PDZD7: variants seen among roughly 807,000 people sequenced by gnomAD.
PDZD7 encodes PDZ domain containing 7.
Under a neutral mutation model 84.7 loss-of-function variants are expected in PDZD7, and 72 were observed. That is an observed-to-expected ratio of 0.85 (90% CI 0.70 to 1.03). The LOEUF is 1.03. PDZD7 is among the 50% of genes least tolerant of loss of function. The probability of loss-of-function intolerance (pLI) is 0.00; values close to 1 mark genes in which losing one functional copy is unlikely to be tolerated. For synonymous variants in PDZD7, 594 were observed against 580.7 expected, an observed-to-expected ratio of 1.02 and a Z score of -0.33; for missense variants, 1,490 against 1,412.9, an observed-to-expected ratio of 1.05 and a Z score of -0.87.
At chr10:101,023,803 C>T (rs1409767262) in intron 3 of PDZD7, 125 bp downstream of exon 3, 1 of 1,534,246 alleles carries the variant, frequency 6.5e-7, no homozygotes, top group Non-Finnish European at 9.0e-7. Context: ...GCCCTGTCTC[C>T]CCATCAATCA....
At position 101,008,845 on chromosome 10, in the gene PDZD7, G is replaced by A; in HGVS notation, c.2724C>T (p.Gly908=). 6.7e-7 allele frequency: 1 copy of A among 1,495,158 alleles called. No homozygotes were observed. Among genetic ancestry groups the A allele is most frequent in the Non-Finnish European group, 8.9e-7 (1 of 1,122,434 alleles). 92.6% of individuals were successfully genotyped at this position (1,495,158 alleles called of 1,614,324 possible). The change falls in exon 17 of 17, where the codon GGC becomes GGT. Residue 908 remains glycine, a synonymous_variant. Coordinates refer to ENST00000619208, the MANE Select transcript of PDZD7 (RefSeq NM_001195263.2). The stretch of plus-strand genomic sequence containing the variant: ...CTCCGTCCACTGCCACAAGCTCGAA[G>A]CCAGCCTAGGGTGGGGTGAGAGAGT... The part of the protein sequence containing the change: ...AAFLSGALQA[G]FELVAVDGEN...
chr10:101,012,862 C>T (rs998905008), intron 11 of PDZD7, among the ~76,000 whole-genome samples: 1 of 152,242 alleles, frequency 6.6e-6, no homozygotes, highest in African/African-American at 2.4e-5. Flanking sequence ...GGGGAAGGGC[C>T]TCTCCAATCA....
intron 9 of PDZD7, 62 bp from the exon 10 acceptor site, chr10:101,016,489 G>A: frequency 6.6e-7 from 1 of 1,505,720 alleles, no homozygotes; most frequent in Non-Finnish European, 9.0e-7. Flanking sequence ...TGGGGTTCAG[G>A]AGGGCTCAGG....
rs764821315 is a variant in PDZD7 at position 101,030,205 on chromosome 10, G to A, written c.15C>T (p.Phe5=). 3.5e-5 allele frequency: 56 copies of A among 1,609,318 alleles called. No homozygotes were observed. The highest frequency in any genetic ancestry group is 4.0e-5 in the Non-Finnish European group (47 of 1,178,720). ...GGCCCAGTGGGTCGAAGCCCACTGCGAAACCCTGCGCCATGGCGGCTGGGC... is the reference window on the plus strand; with the variant it reads ...GGCCCAGTGGGTCGAAGCCCACTGCAAAACCCTGCGCCATGGCGGCTGGGC... MAQG[F]AVGFDPLGLG... Residue 5 remains phenylalanine (F), a synonymous_variant, in exon 2 of 17, where the codon TTC becomes TTT. Transcript: ENST00000619208.
At position 101,010,760 on chromosome 10, in the gene PDZD7, G is replaced by A; in HGVS notation, c.2129C>T (p.Pro710Leu). The A allele has an allele frequency of 8.5e-6, 13 of 1,534,998 alleles. No homozygotes were observed. The highest frequency in any genetic ancestry group is 1.1e-5 in the Non-Finnish European group (13 of 1,146,564). ...TTGTAGAGGGGGGATCCCTTTATGGGGGTGGCGAGGGGCAGAGGCACTTGG... is the reference window on the plus strand; with the variant it reads ...TTGTAGAGGGGGGATCCCTTTATGGAGGTGGCGAGGGGCAGAGGCACTTGG... The part of the protein sequence containing the change: ...VSPSASAPRH[P>L]HKGIPPLQDV... The change falls in exon 15 of 17, where the codon CCC (proline) becomes CTC (leucine). Residue 710 changes from proline to leucine, a missense_variant. Transcript: ENST00000619208.
At position 101,009,237 on chromosome 10, in the gene PDZD7, A is replaced by G; in HGVS notation, c.2718+13T>C. Reference sequence around the variant, plus strand: ...GTGCTCTGAGAGGGTGGGCCAGGGCATGCTTCACCCACCTGCAGGGCCCCA... The same window carrying G: ...GTGCTCTGAGAGGGTGGGCCAGGGCGTGCTTCACCCACCTGCAGGGCCCCA... On this transcript the variant is annotated intron_variant, in intron 16 of 16. Transcript: ENST00000619208. The G allele has an allele frequency of 6.5e-7, 1 of 1,529,892 alleles. No homozygotes were observed. Among genetic ancestry groups the G allele is most frequent in the Non-Finnish European group, 8.8e-7 (1 of 1,141,356 alleles). The allele number at this position is 1,529,892 out of a possible 1,614,324, so 94.8% of individuals were successfully genotyped here.
In PDZD7 at chr10:101,018,981, TG is replaced by T; in HGVS notation, c.1164del (p.Thr389GlnfsTer50). 1 of 1,587,908 alleles carries T rather than the reference TG, an allele frequency of 6.3e-7. No homozygotes were observed. Among genetic ancestry groups the T allele is most frequent in the East Asian group, 2.3e-5 (1 of 43,766 alleles). ...GRVETWCSVR[P>X]TVILRDTAIR... ...ATGGCGGTGTCCCTGAGGATGACTG[TG>T]GGCCGCACGCTGCACCAGGTCTCCA... On this transcript the variant is annotated frameshift_variant, in exon 8 of 17. Transcript: ENST00000619208. LOFTEE classifies it high-confidence loss of function.
chr10:101,015,375 G>A (rs1852569537), intron 11 of PDZD7, among the ~76,000 whole-genome samples: 1 of 152,170 alleles, frequency 6.6e-6, no homozygotes, highest in Non-Finnish European at 1.5e-5. Context: ...ACCGTCTCAT[G>A]TTCTTTTTCT....
At chr10:101,016,473 T>C in intron 9 of PDZD7, 46 bp from the exon 10 acceptor site, 1 of 1,545,530 alleles carries the variant, frequency 6.5e-7, no homozygotes, top group Non-Finnish European at 8.8e-7. Context: ...GCCCCCAGTC[T>C]GAAAATGGGG....
Position 101,009,362 on chromosome 10 carries a change from G to A in PDZD7, c.2618-12C>T, listed in dbSNP as rs1227020859. 6.5e-7 allele frequency: 1 copy of A among 1,531,742 alleles called. No homozygotes were observed. The highest frequency in any genetic ancestry group is 2.0e-5 in the Admixed American group (1 of 50,976). The allele number at this position is 1,531,742 out of a possible 1,614,324, so 94.9% of individuals were successfully genotyped here. On this transcript the variant is annotated splice_polypyrimidine_tract_variant and intron_variant, in intron 15 of 16. Transcript: ENST00000619208. ...AGAAATGCTGATACCTAGTGACAGG[G>A]AGAAACACCGTGTGAGAGTGCAGCC...
At chr10:101,026,354 C>T (rs540370954) in intron 2 of PDZD7, among the ~76,000 whole-genome samples, 2 of 152,014 alleles carry the variant, frequency 1.3e-5, no homozygotes, top group East Asian at 1.9e-4. Flanking sequence ...AGGCTGGTCT[C>T]GAACTCCTAA....
intron 6 of PDZD7, among the ~76,000 whole-genome samples, chr10:101,021,069 T>G (rs1232281770): frequency 2.0e-5 from 3 of 152,052 alleles, no homozygotes; most frequent in Non-Finnish European, 4.4e-5. Flanking sequence ...CGGCACATAG[T>G]GGGTGCTCAA....
At chr10:101,013,391 C>A (rs867206167) in intron 11 of PDZD7, among the ~76,000 whole-genome samples, 2 of 152,168 alleles carry the variant, frequency 1.3e-5, no homozygotes, top group Non-Finnish European at 2.9e-5. Context: ...GAGTCACATA[C>A]CCTGGTGAAC....
chr10:101,021,721 G>A (rs1013754948), intron 6 of PDZD7, 77 bp downstream of exon 6: 1 of 1,595,908 alleles, frequency 6.3e-7, no homozygotes, highest in African/African-American at 1.3e-5. Context: ...AAATTGCAGA[G>A]CATTATTAAG....
chr10:101,026,987 C>G (rs72838694), intron 2 of PDZD7, among the ~76,000 whole-genome samples: 2 of 152,108 alleles, frequency 1.3e-5, no homozygotes, highest in Admixed American at 1.3e-4. Context: ...TTTCCAGGAG[C>G]CTGAGCCCTG....
In PDZD7 at chr10:101,008,516, G is replaced by T. The variant is rs1179492933; in HGVS notation, c.3053C>A (p.Ala1018Asp). The change falls in exon 17 of 17, where the codon GCC (alanine) becomes GAC (aspartate). Residue 1018 changes from alanine (A) to aspartate (D), a missense_variant. Physicochemically the swap from Ala to Asp is moderately radical, Grantham distance 126 (BLOSUM62 -2). Transcript: ENST00000619208. Reference protein sequence around the residue: ...QPTPSPAPSPALQTPDSKPAP... With the variant: ...QPTPSPAPSPDLQTPDSKPAP... ...GGGCTTAGAATCAGGAGTCTGGAGG[G>T]CTGGGGAGGGGGCTGGGCTGGGAGT... 2 of 1,533,542 alleles carry T rather than the reference G, an allele frequency of 1.3e-6. No individual in the cohort carries two copies. Among genetic ancestry groups the T allele is most frequent in the Non-Finnish European group, 1.7e-6 (2 of 1,145,952 alleles). The allele number at this position is 1,533,542 out of a possible 1,614,324, so 95.0% of individuals were successfully genotyped here.
rs1852580764 is a variant in PDZD7, at chr10:101,015,550, T to C, written c.1749+86A>G. ...GCCTCCTGGTGTCAAGCCCAGACAC[T>C]GGTCAGTGGACAGTGGCCTGAATGA... On this transcript the variant is annotated intron_variant, in intron 11 of 16. Transcript: ENST00000619208. 6 of 1,467,290 alleles carry C rather than the reference T, an allele frequency of 4.1e-6. No homozygotes were observed. In the South Asian group the frequency reaches 8.1e-5, roughly 20 times the overall value. 90.9% of individuals were successfully genotyped at this position (1,467,290 alleles called of 1,614,324 possible). A position where few individuals can be genotyped will look rare whatever the true frequency, so the allele number is the denominator to read the frequency against.
chr10:101,011,548 G>T (rs923194334), intron 14 of PDZD7, 142 bp downstream of exon 14: 8 of 1,449,284 alleles, frequency 5.5e-6, no homozygotes, highest in Admixed American at 2.5e-5. Flanking sequence ...GGCTCTGGTG[G>T]ACAAGAGCTT....
At position 101,015,805 on chromosome 10, in the gene PDZD7, T is replaced by G. The variant is rs1268523596; in HGVS notation, c.1580A>C (p.Glu527Ala). The change falls in exon 11 of 17, where the codon GAG (glutamate) becomes GCG (alanine). Residue 527 changes from glutamate (E) to alanine (A), a missense_variant. Coordinates refer to ENST00000619208, the MANE Select transcript of PDZD7 (RefSeq NM_001195263.2). ...FVTWRLRRDQ[E>A]RGRALLSARS... ...GGCAGACAGCAGGGCCCGGCCCCTC[T>G]CCTGGTCTGCAGGGCAGGAACCATC... The G allele has an allele frequency of 4.5e-6, 7 of 1,548,160 alleles. No individual in the cohort carries two copies. Among genetic ancestry groups the G allele is most frequent in the Non-Finnish European group, 6.1e-6 (7 of 1,146,186 alleles).
Sources: gnomAD v4.1 joint callset for allele counts (sites outside exome capture counted in the v4.1 genomes callset) on GRCh38, gnomAD v4.1.1 for gene constraint, MANE v1.5 for transcripts, NCBI Gene and HGNC (gene_info 2026-07-23, HGNC 2026-07-21) for gene names.